Variants in FRMD4B observed in about 807,000 individuals in gnomAD.
The protein encoded by FRMD4B is FERM domain containing 4B.
A neutral mutation model predicts 141.5 loss-of-function variants in FRMD4B; 74 were observed. The observed-to-expected ratio is 0.52, with a 90% CI of 0.43 to 0.63. FRMD4B has a LOEUF of 0.63. FRMD4B is among the 30% of genes least tolerant of loss of function. The probability of loss-of-function intolerance (pLI) is 0.00; values close to 1 mark genes in which losing one functional copy is unlikely to be tolerated. For missense variants in FRMD4B, 1,366 were observed against 1,253.4 expected, an observed-to-expected ratio of 1.09 and a Z score of -1.36; for synonymous variants, 506 against 467.9, an observed-to-expected ratio of 1.08 and a Z score of -1.05.
At chr3:69,472,925 C>CTTTTTTTTTTTTTTTTTTTTTT (rs796453101) in intron 1 of FRMD4B, among the ~76,000 whole-genome samples, 4 of 90,912 alleles carry the variant, frequency 4.4e-5, no homozygotes, top group African/African-American at 9.7e-5. Context: ...GTGAGTCTTT[C>CTTTTTTTTTTTTTTTTTTTTTT]TTTTTTTTTT....
chr3:69,241,451 C>A (rs756977114), intron 7 of FRMD4B, among the ~76,000 whole-genome samples: 4 of 152,194 alleles, frequency 2.6e-5, no homozygotes, highest in Non-Finnish European at 5.9e-5. Flanking sequence ...AGAGGAAAAT[C>A]ACTTCTCAAG....
chr3:69,418,251 G>A (rs1249944240), intron 2 of FRMD4B, among the ~76,000 whole-genome samples: 1 of 152,132 alleles, frequency 6.6e-6, no homozygotes, highest in African/African-American at 2.4e-5. Flanking sequence ...AATATACACG[G>A]TGTACATAGA....
chr3:69,312,160 T>C (rs1701617200), intron 2 of FRMD4B, among the ~76,000 whole-genome samples: 1 of 152,152 alleles, frequency 6.6e-6, no homozygotes, highest in Non-Finnish European at 1.5e-5. Flanking sequence ...AGAAGAAGCA[T>C]GGGCTTGGAA....
intron 1 of FRMD4B, among the ~76,000 whole-genome samples, chr3:69,377,820 T>G (rs922283471): frequency 6.6e-6 from 1 of 151,954 alleles, no homozygotes; most frequent in East Asian, 1.9e-4. Flanking sequence ...CTTCTTCTTT[T>G]TTTTTTTTGA....
At chr3:69,403,667 T>C (rs557242618) in intron 2 of FRMD4B, among the ~76,000 whole-genome samples, 36 of 152,254 alleles carry the variant, frequency 2.4e-4, no homozygotes, top group African/African-American at 8.7e-4. Flanking sequence ...AGCTTAAATA[T>C]ACACCTAACG....
At chr3:69,208,865 G>A (rs762444559) in intron 11 of FRMD4B, among the ~76,000 whole-genome samples, 1 of 152,086 alleles carries the variant, frequency 6.6e-6, no homozygotes, top group Non-Finnish European at 1.5e-5. Context: ...CTTGAGTTAT[G>A]CCAGGCGCGG....
chr3:69,241,088 G>A (rs1312337342), intron 7 of FRMD4B, among the ~76,000 whole-genome samples: 8 of 152,196 alleles, frequency 5.3e-5, no homozygotes, highest in Admixed American at 2.6e-4. Flanking sequence ...GGTCAAGAGA[G>A]TTACTTCCTG....
Position 69,179,577 on chromosome 3 carries a change from T to C in FRMD4B, c.2851+1322A>G, listed in dbSNP as rs116268272. Among the ~76,000 whole-genome samples the C allele has an allele frequency of 1.7e-3, 261 of 152,260 alleles. 2 individuals are homozygous for C. The highest frequency in any genetic ancestry group is 6.0e-3 in the African/African-American group (248 of 41,550). On this transcript the variant is annotated intron_variant, in intron 21 of 22. Transcript: ENST00000398540. ...AAATAGGAGAGAACTTGAACCCAAA[T>C]AGAAATCTCCATGGAAACGCCTCAT...
intron 1 of FRMD4B, among the ~76,000 whole-genome samples, chr3:69,366,476 G>T (rs1002726866): frequency 2.9e-5 from 3 of 103,416 alleles, no homozygotes; most frequent in Non-Finnish European, 6.1e-5. Context: ...CGTGATCATG[G>T]TATCTCCCCT....
chr3:69,532,831 T>C (rs762932528), intron 1 of FRMD4B, among the ~76,000 whole-genome samples: 3 of 152,246 alleles, frequency 2.0e-5, no homozygotes, highest in Non-Finnish European at 4.4e-5. Flanking sequence ...ACATCCATTG[T>C]TGGGTCCCCC....
rs546109791 is a variant in FRMD4B at position 69,170,868 on chromosome 3, C to G, written c.*993G>C. 6.6e-6 allele frequency: 1 copy of G among 152,134 alleles called. No individual in the cohort carries two copies. Among genetic ancestry groups the G allele is most frequent in the East Asian group, 1.9e-4 (1 of 5,172 alleles). 9.4% of individuals were successfully genotyped at this position (152,134 alleles called of 1,614,324 possible). A position where few individuals can be genotyped will look rare whatever the true frequency, so the allele number is the denominator to read the frequency against. ...GGTGACTTGGAACTACTTGTGGAAT[C>G]CAGACTTGTTTAATTTTCTAACGTT... On this transcript the variant is annotated 3_prime_UTR_variant, in exon 23 of 23. Transcript: ENST00000398540.
intron 1 of FRMD4B, among the ~76,000 whole-genome samples, chr3:69,522,113 C>G (rs1382549036): frequency 2.6e-5 from 4 of 152,002 alleles, no homozygotes; most frequent in Admixed American, 2.6e-4. Flanking sequence ...GCCTTAGGGT[C>G]AAAGACTGCC....
intron 11 of FRMD4B, among the ~76,000 whole-genome samples, chr3:69,209,478 C>T (rs923660962): frequency 3.3e-5 from 5 of 152,120 alleles, no homozygotes; most frequent in Non-Finnish European, 5.9e-5. Context: ...CTCATTGGGT[C>T]CTCACAATGA....
intron 1 of FRMD4B, among the ~76,000 whole-genome samples, chr3:69,367,562 TACCCAAAAA>T: frequency 6.8e-6 from 1 of 147,104 alleles, no homozygotes; most frequent in Non-Finnish European, 1.5e-5. Context: ...TTTTTGTTTT[TACCCAAAAA>T]ATATATCATT....
intron 4 of FRMD4B, among the ~76,000 whole-genome samples, chr3:69,294,294 A>G (rs1700971530): frequency 6.6e-6 from 1 of 152,180 alleles, no homozygotes; most frequent in African/African-American, 2.4e-5. Flanking sequence ...CTGAGCGGGG[A>G]GATCTCTGTT....
At chr3:69,313,033 G>C (rs1026107759) in intron 2 of FRMD4B, among the ~76,000 whole-genome samples, 37 of 152,234 alleles carry the variant, frequency 2.4e-4, no homozygotes, top group Non-Finnish European at 7.3e-5. Flanking sequence ...AATGAAACTG[G>C]GTATTTCACT....
At chr3:69,477,597 T>A (rs1211992740) in intron 1 of FRMD4B, among the ~76,000 whole-genome samples, 1 of 152,124 alleles carries the variant, frequency 6.6e-6, no homozygotes, top group Non-Finnish European at 1.5e-5. Context: ...GCTGCTAGAT[T>A]TGGTTTGCCA....
chr3:69,456,663 G>A (rs183827973), intron 1 of FRMD4B, among the ~76,000 whole-genome samples: 1 of 151,300 alleles, frequency 6.6e-6, no homozygotes, highest in Admixed American at 6.6e-5. Flanking sequence ...TCTATGAGCT[G>A]GCACACAACA....
intron 5 of FRMD4B, among the ~76,000 whole-genome samples, chr3:69,280,230 G>T (rs1254626473): frequency 6.6e-6 from 1 of 152,128 alleles, no homozygotes; most frequent in African/African-American, 2.4e-5. Context: ...GGCACAGGTG[G>T]TTGTTTTGTG....
Sources: gnomAD v4.1 joint callset for allele counts (sites outside exome capture counted in the v4.1 genomes callset) on GRCh38, gnomAD v4.1.1 for gene constraint, MANE v1.5 for transcripts, NCBI Gene and HGNC (gene_info 2026-07-23, HGNC 2026-07-21) for gene names.